The following AGBL4 variants were observed in gnomAD, a reference collection of about 807,000 sequenced individuals.
AGBL4 encodes the protein AGBL carboxypeptidase 4.
Under a neutral mutation model 66.4 loss-of-function variants are expected in AGBL4, and 58 were observed. The observed-to-expected ratio is 0.87, with a 90% CI of 0.71 to 1.09. The LOEUF is 1.09. AGBL4 is among the 50% of genes least tolerant of loss of function. The pLI, the probability that AGBL4 is intolerant of heterozygous loss-of-function variation, is 0.00. For missense variants in AGBL4, 579 were observed against 631.0 expected, an observed-to-expected ratio of 0.92 and a Z score of 0.88; for synonymous variants, 234 against 222.9, an observed-to-expected ratio of 1.05 and a Z score of -0.44.
intron 3 of AGBL4, among the ~76,000 whole-genome samples, chr1:49,671,107 A>C (rs924888562): frequency 5.9e-5 from 9 of 152,230 alleles, no homozygotes; most frequent in African/African-American, 2.2e-4. Flanking sequence ...TACAGTAGCC[A>C]AAAAAGCATG....
intron 5 of AGBL4, among the ~76,000 whole-genome samples, chr1:48,903,962 T>C (rs1211233792): frequency 6.6e-6 from 1 of 152,062 alleles, no homozygotes; most frequent in East Asian, 1.9e-4. Flanking sequence ...GCTAAACACC[T>C]GAAAGAAAAC....
chr1:49,190,652 T>C (rs943336146), intron 4 of AGBL4, among the ~76,000 whole-genome samples: 1 of 152,176 alleles, frequency 6.6e-6, no homozygotes, highest in African/African-American at 2.4e-5. Flanking sequence ...TATAAACCTA[T>C]TATTAAAACA....
At chr1:49,842,090 G>T in intron 2 of AGBL4, 1 of 339,794 alleles carries the variant, frequency 2.9e-6, no homozygotes, top group South Asian at 3.1e-5. Context: ...CTGCATGCCC[G>T]ACCTCCTGAA....
At chr1:49,823,809 T>TGTGTGTGTGG (rs1645433685) in intron 2 of AGBL4, among the ~76,000 whole-genome samples, 1 of 150,584 alleles carries the variant, frequency 6.6e-6, no homozygotes, top group Non-Finnish European at 1.5e-5. Context: ...TGTGTGTGTG[T>TGTGTGTGTGG]ACATACACAC....
chr1:49,905,998 T>A (rs1650235997), intron 1 of AGBL4, among the ~76,000 whole-genome samples: 1 of 151,992 alleles, frequency 6.6e-6, no homozygotes, highest in Non-Finnish European at 1.5e-5. Flanking sequence ...TAGGATTTTA[T>A]AATAATTAAC....
At chr1:49,439,303 G>A (rs991525087) in intron 3 of AGBL4, among the ~76,000 whole-genome samples, 1 of 152,166 alleles carries the variant, frequency 6.6e-6, no homozygotes, top group Non-Finnish European at 1.5e-5. Flanking sequence ...AGCATGCCTG[G>A]CAGGAAGTAG....
intron 2 of AGBL4, among the ~76,000 whole-genome samples, chr1:49,730,934 C>G (rs757074630): frequency 6.6e-6 from 1 of 152,178 alleles, no homozygotes; most frequent in Non-Finnish European, 1.5e-5. Flanking sequence ...TGAATATCTT[C>G]CATTTGTCCC....
intron 5 of AGBL4, among the ~76,000 whole-genome samples, chr1:48,919,067 A>G (rs1292970320): frequency 6.6e-6 from 1 of 152,220 alleles, no homozygotes; most frequent in Non-Finnish European, 1.5e-5. Context: ...AGTCTGGAGA[A>G]AATAAACTGT....
chr1:49,652,550 C>T (rs1230242278), intron 3 of AGBL4, among the ~76,000 whole-genome samples: 1 of 152,154 alleles, frequency 6.6e-6, no homozygotes, highest in African/African-American at 2.4e-5. Context: ...TCCAGTGAGG[C>T]ACAGCAGGCT....
chr1:49,722,780 A>T (rs1332950205), intron 2 of AGBL4, among the ~76,000 whole-genome samples: 1 of 152,088 alleles, frequency 6.6e-6, no homozygotes, highest in Non-Finnish European at 1.5e-5. Flanking sequence ...CTCTGAAAAG[A>T]TTTTTACATT....
chr1:49,973,849 C>G (rs1658346240), intron 1 of AGBL4, among the ~76,000 whole-genome samples: 2 of 151,428 alleles, frequency 1.3e-5, no homozygotes, highest in Non-Finnish European at 1.5e-5. Context: ...ATTGAATTTT[C>G]TGTACTGAGG....
rs534719481 is a variant in AGBL4, at chr1:49,570,705, T to A, written c.282+126608A>T. Among the ~76,000 whole-genome samples, 8 of 152,248 alleles carry A rather than the reference T, an allele frequency of 5.3e-5. No individual in the cohort carries two copies. In the East Asian group the frequency reaches 1.5e-3, roughly 29 times the overall value. On this transcript the variant is annotated intron_variant, in intron 3 of 13. Transcript: ENST00000371839. ...GGTTCCCTAGATTTTCGTCTAGTAT[T>A]TTTATAGATTCATGTCTTACATTTA...
intron 1 of AGBL4, among the ~76,000 whole-genome samples, chr1:49,880,306 T>C (rs1303819205): frequency 1.3e-5 from 2 of 151,876 alleles, no homozygotes; most frequent in Non-Finnish European, 2.9e-5. Flanking sequence ...CTACTTTTGG[T>C]CTTTGATGAT....
rs539875408 is a variant in AGBL4 at position 49,555,872 on chromosome 1, G to C, written c.282+141441C>G. Among the ~76,000 whole-genome samples, 334 of 152,196 alleles carry C rather than the reference G, an allele frequency of 2.2e-3. 1 individual carries two copies. Among genetic ancestry groups the C allele is most frequent in the Non-Finnish European group, 3.3e-3 (227 of 68,002 alleles). ...TAGAATGGACATCATTAAAAAGTCA[G>C]GAAACAACAGGTGCTGGAGAGGATG... On this transcript the variant is annotated intron_variant, in intron 3 of 13. Coordinates refer to ENST00000371839, the MANE Select transcript of AGBL4 (RefSeq NM_032785.4).
At chr1:48,665,719 CT>C (rs1403034572) in intron 6 of AGBL4, among the ~76,000 whole-genome samples, 17 of 152,248 alleles carry the variant, frequency 1.1e-4, no homozygotes, top group Admixed American at 8.5e-4. Flanking sequence ...TTCATTTTAT[CT>C]TATTGTGATG....
Position 49,228,720 on chromosome 1 carries a change from A to G in AGBL4, c.377+17050T>C, listed in dbSNP as rs1027687718. 2.0e-5 allele frequency among the ~76,000 whole-genome samples: 3 copies of G among 152,152 alleles called. No individual in the cohort carries two copies. In the East Asian group the frequency reaches 5.8e-4, roughly 29 times the overall value. On this transcript the variant is annotated intron_variant, in intron 4 of 13. Transcript: ENST00000371839. ...GTTTTAAAAGATCATGCCACTGTGG[A>G]GAACAGACTGTGAATACAAGGGTAA...
intron 5 of AGBL4, among the ~76,000 whole-genome samples, chr1:48,937,595 ATTTGAAAGTGTTTT>A (rs1452761633): frequency 5.3e-5 from 8 of 152,174 alleles, no homozygotes; most frequent in African/African-American, 1.9e-4. Context: ...AACATTTGAC[ATTTGAAAGTGTTTT>A]TTTTCCTCTT....
intron 6 of AGBL4, among the ~76,000 whole-genome samples, chr1:48,835,971 T>A (rs750566694): frequency 2.0e-5 from 3 of 152,058 alleles, no homozygotes; most frequent in Non-Finnish European, 4.4e-5. Flanking sequence ...ACTGAAAGGT[T>A]TTAAGCCAGT....
intron 3 of AGBL4, among the ~76,000 whole-genome samples, chr1:49,465,308 C>T (rs1646606494): frequency 6.6e-6 from 1 of 150,888 alleles, no homozygotes; most frequent in African/African-American, 2.4e-5. Flanking sequence ...ATGGACCATT[C>T]TTACTGGATT....
Sources: allele counts gnomAD v4.1 joint callset (sites outside exome capture counted in the v4.1 genomes callset), GRCh38; gene constraint gnomAD v4.1.1; transcripts MANE v1.5; gene names NCBI Gene and HGNC (gene_info 2026-07-23, HGNC 2026-07-21).